Variants in YWHAQ observed in about 807,000 individuals in gnomAD.
YWHAQ encodes 14-3-3 protein theta.
A neutral mutation model predicts 28.3 loss-of-function variants in YWHAQ; 6 were observed. The ratio of observed to expected loss-of-function variants is 0.21; its 90% CI spans 0.12 to 0.42. The LOEUF is 0.42. Ranked by LOEUF, YWHAQ falls within the 10% of genes least tolerant of loss-of-function variation. The pLI is 1.00. For missense variants in YWHAQ, 201 were observed against 305.6 expected (o/e 0.66, Z 2.55); for synonymous variants, 143 against 119.1 (o/e 1.20, Z -1.31).
intron 2 of YWHAQ, among the ~76,000 whole-genome samples, chr2:9,606,937 T>C (rs1280840832): frequency 1.3e-5 from 2 of 151,630 alleles, no homozygotes; most frequent in Non-Finnish European, 2.9e-5. Context: ...CAGGCTGCAG[T>C]GCAGTAGCAT....
At chr2:9,627,865 C>T (rs1667279809) in intron 2 of YWHAQ, among the ~76,000 whole-genome samples, 1 of 152,130 alleles carries the variant, frequency 6.6e-6, no homozygotes. Flanking sequence ...TCCTTTAATA[C>T]TGACACCTCC....
At position 9,630,994 on chromosome 2, in the gene YWHAQ, C is replaced by T. The variant is rs1004641029; in HGVS notation, c.-136G>A. The T allele has an allele frequency of 2.0e-5, 3 of 152,774 alleles. No individual in the cohort carries two copies. The highest frequency in any genetic ancestry group is 7.2e-5 in the African/African-American group (3 of 41,470). The allele number at this position is 152,774 out of a possible 1,614,324, so 9.5% of individuals were successfully genotyped here. On this transcript the variant is annotated 5_prime_UTR_variant, in exon 1 of 6. Coordinates refer to ENST00000238081, the MANE Select transcript of YWHAQ (RefSeq NM_006826.4). This position sits in a 1 kb window ranked among gnomAD's most constrained non-coding sequence, Gnocchi z 5.6. ...TCCCACCACTTTGATCTGCTTTTGG[C>T]TTTAGCTGAGGACCCTCCCGTGTCA...
rs1572983319 is a variant in YWHAQ, at chr2:9,585,181, T to C, written c.*105A>G. The C allele has an allele frequency of 1.6e-6, 2 of 1,243,948 alleles. No homozygotes were observed. The highest frequency in any genetic ancestry group is 1.2e-5 in the South Asian group (1 of 80,378). 77.1% of individuals were successfully genotyped at this position (1,243,948 alleles called of 1,614,324 possible). A position where few individuals can be genotyped will look rare whatever the true frequency, so the allele number is the denominator to read the frequency against. ...AAAAGACTATAAACAGTTGATTCCA[T>C]ACACATGAATGGGTTTCTTTGCTAT... On this transcript the variant is annotated 3_prime_UTR_variant, in exon 6 of 6. Coordinates refer to ENST00000238081, the MANE Select transcript of YWHAQ (RefSeq NM_006826.4).
chr2:9,600,753 A>G (rs1028588665), intron 2 of YWHAQ, among the ~76,000 whole-genome samples: 1 of 152,154 alleles, frequency 6.6e-6, no homozygotes, highest in African/African-American at 2.4e-5. Flanking sequence ...GAAAGGAAGC[A>G]CAAACTGATG....
chr2:9,592,061 GAA>G (rs1237694601), intron 2 of YWHAQ, among the ~76,000 whole-genome samples: 1 of 152,080 alleles, frequency 6.6e-6, no homozygotes, highest in Non-Finnish European at 1.5e-5. Context: ...GCACCAAACA[GAA>G]AACAGGGATG....
intron 2 of YWHAQ, among the ~76,000 whole-genome samples, chr2:9,625,337 G>A (rs1432030896): frequency 2.0e-5 from 3 of 151,662 alleles, no homozygotes; most frequent in Admixed American, 6.6e-5. Flanking sequence ...AACCCACAAC[G>A]TCAATGAGTT....
In YWHAQ at chr2:9,588,198, A is replaced by G; in HGVS notation, c.549T>C (p.Asn183=). The G allele has an allele frequency of 1.3e-6, 2 of 1,590,128 alleles. No homozygotes were observed. Among genetic ancestry groups the G allele is most frequent in the Non-Finnish European group, 1.7e-6 (2 of 1,172,732 alleles). Residue 183 remains asparagine (N), a synonymous_variant, in exon 4 of 6, where the codon AAT becomes AAC. Coordinates refer to ENST00000238081, the MANE Select transcript of YWHAQ (RefSeq NM_006826.4). ...NFSVFYYEIL[N]NPELACTLAK... is the part of the protein sequence containing the mutation. ...CCAGCGTGCAGGCAAGCTCTGGGTT[A>G]TTAAGAATCTCATAGTAAAATACAG...
At chr2:9,610,750 C>T (rs1444477196) in intron 2 of YWHAQ, among the ~76,000 whole-genome samples, 2 of 152,116 alleles carry the variant, frequency 1.3e-5, no homozygotes, top group Non-Finnish European at 2.9e-5. Context: ...TGAGGTGATC[C>T]GTCTGCCTCG....
intron 2 of YWHAQ, among the ~76,000 whole-genome samples, chr2:9,623,984 C>A (rs1481539270): frequency 6.6e-6 from 1 of 151,990 alleles, no homozygotes; most frequent in Non-Finnish European, 1.5e-5. Flanking sequence ...AAATATAGGA[C>A]CCGGCCAGAC....
intron 2 of YWHAQ, among the ~76,000 whole-genome samples, chr2:9,613,440 A>G (rs961418317): frequency 2.0e-5 from 3 of 152,240 alleles, no homozygotes; most frequent in African/African-American, 7.2e-5. Context: ...CTGTAGTTAT[A>G]GTGAAAGCAA....
chr2:9,614,983 GA>G (rs1667016914), intron 2 of YWHAQ, among the ~76,000 whole-genome samples: 1 of 152,032 alleles, frequency 6.6e-6, no homozygotes, highest in Non-Finnish European at 1.5e-5. Context: ...ATATTCAAAT[GA>G]ACCCCCAGGG....
At chr2:9,587,542 T>G in intron 4 of YWHAQ, 33 bp from the exon 5 acceptor site, 1 of 1,550,572 alleles carries the variant, frequency 6.4e-7, no homozygotes, top group East Asian at 2.3e-5. Flanking sequence ...GTAAAATATG[T>G]GCATTGACGA....
chr2:9,602,842 A>T (rs1666725016), intron 2 of YWHAQ, among the ~76,000 whole-genome samples: 1 of 26,582 alleles, frequency 3.8e-5, no homozygotes, highest in African/African-American at 1.7e-4. Context: ...AAAAAAAAAA[A>T]AAAAAAAAAA....
intron 2 of YWHAQ, among the ~76,000 whole-genome samples, chr2:9,599,558 C>T (rs1278534647): frequency 2.0e-5 from 3 of 152,170 alleles, no homozygotes; most frequent in East Asian, 3.8e-4. Context: ...AAGAATTATG[C>T]TAAATCTACT....
At chr2:9,621,181 A>G (rs1667135851) in intron 2 of YWHAQ, among the ~76,000 whole-genome samples, 1 of 152,172 alleles carries the variant, frequency 6.6e-6, no homozygotes, top group Non-Finnish European at 1.5e-5. Flanking sequence ...TTTTCTAAAA[A>G]GGGGTCCTGA....
chr2:9,615,377 G>T (rs1667022532), intron 2 of YWHAQ: 1 of 137,302 alleles, frequency 7.3e-6, no homozygotes, highest in African/African-American at 2.7e-5. Context: ...GTCTTAAAAA[G>T]AATTTTTTTC....
chr2:9,608,801 G>T (rs930999036), intron 2 of YWHAQ, among the ~76,000 whole-genome samples: 5 of 152,184 alleles, frequency 3.3e-5, no homozygotes, highest in African/African-American at 1.2e-4. Context: ...TTAGCCAGGC[G>T]TGTTGGCGGG....
chr2:9,628,744 A>T (rs1271421781), intron 2 of YWHAQ: 1 of 152,218 alleles, frequency 6.6e-6, no homozygotes, highest in Non-Finnish European at 1.5e-5. Context: ...AATTCAGTCC[A>T]AAAAGCTTTT....
intron 5 of YWHAQ, among the ~76,000 whole-genome samples, chr2:9,586,484 G>A (rs557543291): frequency 2.0e-5 from 3 of 152,164 alleles, no homozygotes; most frequent in East Asian, 1.9e-4. Context: ...AAACAAAACC[G>A]ATTAAAAGAT....
Sources: gnomAD v4.1 joint callset for allele counts (sites outside exome capture counted in the v4.1 genomes callset) on GRCh38, gnomAD v4.1.1 for gene constraint, Gnocchi (gnomAD v3.1) non-coding constraint, MANE v1.5 for transcripts, NCBI Gene and HGNC (gene_info 2026-07-23, HGNC 2026-07-21) for gene names.